Variants in FGF12 observed in about 807,000 individuals in gnomAD.
FGF12 encodes fibroblast growth factor 12.
In FGF12, 14 loss-of-function variants were observed where a neutral mutation model predicts 23.6. The observed-to-expected ratio is 0.59, with a 90% CI of 0.39 to 0.93. The LOEUF (loss-of-function observed/expected upper bound fraction) is 0.93. Among genes scored for constraint, FGF12 ranks in the 40% least tolerant of loss-of-function variants. The pLI is 0.00. For missense variants in FGF12, 175 were observed against 217.8 expected (o/e 0.80, Z 1.24); for synonymous variants, 62 against 77.3 (o/e 0.80, Z 1.04).
intron 2 of FGF12, among the ~76,000 whole-genome samples, chr3:192,686,271 C>T (rs1047544684): frequency 1.3e-5 from 2 of 152,104 alleles, no homozygotes; most frequent in African/African-American, 4.8e-5. Context: ...CCAACTCTTG[C>T]TCTGAACAAA....
At position 192,168,509 on chromosome 3, in the gene FGF12, A is replaced by C. The variant is rs564670351; in HGVS notation, c.427+1949T>G. ...TCAATGATATCTTACTTTTTGGGAA[A>C]ATAATAGCCTTTTTCTCTGAGTCCC... On this transcript the variant is annotated intron_variant, in intron 5 of 5. Coordinates refer to ENST00000445105, the MANE Select transcript of FGF12 (RefSeq NM_004113.6). Among the ~76,000 whole-genome samples, 3 of 152,284 alleles carry C rather than the reference A, an allele frequency of 2.0e-5. No individual in the cohort carries two copies. In the East Asian group the frequency reaches 5.8e-4, roughly 29 times the overall value.
At chr3:192,529,628 G>A (rs1197591244) in intron 2 of FGF12, among the ~76,000 whole-genome samples, 1 of 152,128 alleles carries the variant, frequency 6.6e-6, no homozygotes, top group Non-Finnish European at 1.5e-5. Flanking sequence ...ACTGGAGACT[G>A]GGCAATTTAC....
intron 4 of FGF12, among the ~76,000 whole-genome samples, chr3:192,184,002 C>A (rs142533941): frequency 6.6e-6 from 1 of 152,182 alleles, no homozygotes; most frequent in African/African-American, 2.4e-5. Context: ...GTGGGCAGAT[C>A]ACTTAACCCC....
intron 2 of FGF12, among the ~76,000 whole-genome samples, chr3:192,584,027 T>C (rs1194279693): frequency 6.6e-6 from 1 of 152,232 alleles, no homozygotes; most frequent in African/African-American, 2.4e-5. Flanking sequence ...TCATGGAGTT[T>C]AATGATTCCG....
chr3:192,290,213 T>G (rs537766165), intron 4 of FGF12, among the ~76,000 whole-genome samples: 1 of 152,228 alleles, frequency 6.6e-6, no homozygotes, highest in South Asian at 2.1e-4. Flanking sequence ...CCACAGAAAA[T>G]TATGTGAGAT....
intron 2 of FGF12, among the ~76,000 whole-genome samples, chr3:192,431,997 C>A (rs1307071451): frequency 6.6e-6 from 1 of 152,170 alleles, no homozygotes; most frequent in African/African-American, 2.4e-5. Context: ...TTCCCACTGG[C>A]AGCCCTTTAT....
At chr3:192,248,902 T>C (rs541648334) in intron 4 of FGF12, among the ~76,000 whole-genome samples, 1 of 152,364 alleles carries the variant, frequency 6.6e-6, no homozygotes, top group East Asian at 1.9e-4. Context: ...CCATATTTAC[T>C]ATCATCACTC....
At chr3:192,646,898 G>C (rs991563868) in intron 2 of FGF12, among the ~76,000 whole-genome samples, 2 of 152,050 alleles carry the variant, frequency 1.3e-5, no homozygotes, top group Non-Finnish European at 2.9e-5. Flanking sequence ...TTTTTTAAAT[G>C]TCATGGGAGA....
At chr3:192,179,202 A>G (rs966733534) in intron 4 of FGF12, among the ~76,000 whole-genome samples, 6 of 152,070 alleles carry the variant, frequency 3.9e-5, no homozygotes, top group African/African-American at 1.4e-4. Flanking sequence ...GACTAGAACA[A>G]GTCTAATTTT....
intron 2 of FGF12, among the ~76,000 whole-genome samples, chr3:192,481,179 G>T (rs996285214): frequency 2.0e-5 from 3 of 152,118 alleles, no homozygotes; most frequent in African/African-American, 7.2e-5. Flanking sequence ...AGATCTCTAG[G>T]GCTTGCTGAG....
intron 4 of FGF12, among the ~76,000 whole-genome samples, chr3:192,289,559 G>A (rs557554244): frequency 1.3e-5 from 2 of 152,280 alleles, no homozygotes; most frequent in South Asian, 4.1e-4. Flanking sequence ...CTGGAATCTT[G>A]CTGGGTACTG....
In FGF12 at chr3:192,409,036, C is replaced by G. The variant is rs1305282543; in HGVS notation, c.14-48498G>C. Reference sequence around the variant, plus strand: ...TTCCAGCTGCGGTGAGAGCAACTCCCGGCCAGCAGCACTGCAAAGAGAGCG... The same window carrying G: ...TTCCAGCTGCGGTGAGAGCAACTCCGGGCCAGCAGCACTGCAAAGAGAGCG... On this transcript the variant is annotated intron_variant, in intron 2 of 5. Coordinates refer to ENST00000445105, the MANE Select transcript of FGF12 (RefSeq NM_004113.6). This position sits in a 1 kb window ranked among gnomAD's most constrained non-coding sequence, Gnocchi z 4.8. The G allele has an allele frequency of 2.0e-6, 2 of 977,260 alleles. No homozygotes were observed. The highest frequency in any genetic ancestry group is 2.4e-6 in the Non-Finnish European group (2 of 826,820). 60.5% of individuals were successfully genotyped at this position (977,260 alleles called of 1,614,324 possible). A position where few individuals can be genotyped will look rare whatever the true frequency, so the allele number is the denominator to read the frequency against.
chr3:192,291,775 T>C (rs1965559), intron 4 of FGF12, among the ~76,000 whole-genome samples: 64,486 of 151,978 alleles, frequency 0.42, 14,605 homozygotes, highest in East Asian at 0.94. Flanking sequence ...AAATGAGTCA[T>C]AGAAATACAT....
At chr3:192,439,962 C>A (rs1722154230) in intron 2 of FGF12, among the ~76,000 whole-genome samples, 1 of 133,042 alleles carries the variant, frequency 7.5e-6, no homozygotes, top group Admixed American at 7.7e-5. Flanking sequence ...GGTGACAGAG[C>A]AAGACTCCAT....
intron 2 of FGF12, among the ~76,000 whole-genome samples, chr3:192,563,183 C>T (rs1273657853): frequency 6.6e-6 from 1 of 152,092 alleles, no homozygotes; most frequent in African/African-American, 2.4e-5. Context: ...TTCAAAATAA[C>T]AAAGTTAGAT....
At chr3:192,296,594 T>C (rs113709027) in intron 4 of FGF12, among the ~76,000 whole-genome samples, 53 of 152,274 alleles carry the variant, frequency 3.5e-4, no homozygotes, top group African/African-American at 1.3e-3. Context: ...TCCTAAAACA[T>C]GATATTAATA....
At chr3:192,358,697 C>G (rs1017090451) in intron 3 of FGF12, among the ~76,000 whole-genome samples, 1 of 152,188 alleles carries the variant, frequency 6.6e-6, no homozygotes, top group Non-Finnish European at 1.5e-5. Flanking sequence ...ACCCTTCTGT[C>G]TCTGCCCCAT....
chr3:192,350,562 G>A (rs1369009685), intron 3 of FGF12, among the ~76,000 whole-genome samples: 2 of 152,112 alleles, frequency 1.3e-5, no homozygotes, highest in African/African-American at 4.8e-5. Flanking sequence ...TTTGAGTGGA[G>A]TATGAAGATT....
intron 4 of FGF12, among the ~76,000 whole-genome samples, chr3:192,183,907 G>C (rs1217360639): frequency 1.3e-5 from 2 of 152,266 alleles, no homozygotes; most frequent in African/African-American, 4.8e-5. Flanking sequence ...CGCTTTCGTA[G>C]ATTAAGAATG....
Sources: allele counts gnomAD v4.1 joint callset (sites outside exome capture counted in the v4.1 genomes callset), GRCh38; gene constraint gnomAD v4.1.1; non-coding constraint Gnocchi (gnomAD v3.1); transcripts MANE v1.5; gene names NCBI Gene and HGNC (gene_info 2026-07-23, HGNC 2026-07-21).